Variants in NCAM2 observed in about 807,000 individuals in gnomAD.
The protein encoded by NCAM2 is N-CAM-2.
Under a neutral mutation model 98.1 loss-of-function variants are expected in NCAM2, and 30 were observed. The observed-to-expected ratio is 0.31, with a 90% CI of 0.23 to 0.41. The LOEUF is 0.41. NCAM2 is among the 10% of genes least tolerant of loss of function. The pLI is 1.00. For synonymous variants in NCAM2, 368 were observed against 342.4 expected, an observed-to-expected ratio of 1.07 and a Z score of -0.83; for missense variants, 867 against 1,005.8, an observed-to-expected ratio of 0.86 and a Z score of 1.87.
At chr21:21,161,912 T>C (rs1023107741) in intron 1 of NCAM2, among the ~76,000 whole-genome samples, 3 of 152,064 alleles carry the variant, frequency 2.0e-5, no homozygotes, top group African/African-American at 7.2e-5. Flanking sequence ...ACAGTTTAGG[T>C]AATTTTGGAA....
intron 1 of NCAM2, among the ~76,000 whole-genome samples, chr21:21,256,290 A>G (rs534604160): frequency 5.6e-4 from 86 of 152,272 alleles, no homozygotes; most frequent in African/African-American, 2.0e-3. Flanking sequence ...TGGGAAGCAG[A>G]AGTTGCAGTG....
chr21:21,497,520 T>G (rs1019690987), intron 15 of NCAM2, among the ~76,000 whole-genome samples: 1 of 152,176 alleles, frequency 6.6e-6, no homozygotes, highest in African/African-American at 2.4e-5. Flanking sequence ...CGGTGCTACC[T>G]TTTTACTGTT....
chr21:21,015,562 T>C (rs1476561548), intron 1 of NCAM2, among the ~76,000 whole-genome samples: 1 of 152,248 alleles, frequency 6.6e-6, no homozygotes, highest in Non-Finnish European at 1.5e-5. Flanking sequence ...AATAGACTAG[T>C]ATAAATACAA....
chr21:21,328,756 G>A (rs952742204), intron 6 of NCAM2, among the ~76,000 whole-genome samples: 3 of 151,688 alleles, frequency 2.0e-5, no homozygotes, highest in Non-Finnish European at 4.4e-5. Context: ...AAAAAGCTAA[G>A]GTGAATTTAT....
intron 1 of NCAM2, among the ~76,000 whole-genome samples, chr21:21,014,373 G>A (rs1382402487): frequency 2.0e-5 from 3 of 150,148 alleles, no homozygotes; most frequent in East Asian, 2.0e-4. Flanking sequence ...GCAGTAGGCC[G>A]AGATCGTGCT....
At chr21:21,493,453 A>G (rs189696751) in intron 15 of NCAM2, among the ~76,000 whole-genome samples, 7 of 152,036 alleles carry the variant, frequency 4.6e-5, no homozygotes, top group African/African-American at 1.4e-4. Flanking sequence ...GGGCTCCCAT[A>G]TACCATCTAC....
chr21:21,468,969 T>G (rs1044425761), intron 14 of NCAM2, among the ~76,000 whole-genome samples, 186 bp downstream of exon 14: 1 of 152,020 alleles, frequency 6.6e-6, no homozygotes, highest in Non-Finnish European at 1.5e-5. Context: ...AATCTAAGCA[T>G]GGATCATCAA....
At chr21:21,450,098 G>C (rs1273420258) in intron 12 of NCAM2, among the ~76,000 whole-genome samples, 3 of 151,718 alleles carry the variant, frequency 2.0e-5, no homozygotes, top group African/African-American at 7.3e-5. Context: ...ACCTATTCCA[G>C]GGTATTTGAA....
chr21:21,444,862 TGTC>T (rs1979860742), intron 12 of NCAM2, among the ~76,000 whole-genome samples: 3 of 152,264 alleles, frequency 2.0e-5, no homozygotes, highest in African/African-American at 7.2e-5. Flanking sequence ...AGTTATTTCT[TGTC>T]TTCTGCTAGC....
At chr21:21,108,511 T>C (rs1209025889) in intron 1 of NCAM2, among the ~76,000 whole-genome samples, 1 of 152,126 alleles carries the variant, frequency 6.6e-6, no homozygotes, top group Non-Finnish European at 1.5e-5. Flanking sequence ...TGCAGTTTTA[T>C]CAAGCATAGA....
chr21:21,075,494 C>T (rs1235298890), intron 1 of NCAM2, among the ~76,000 whole-genome samples: 3 of 152,212 alleles, frequency 2.0e-5, no homozygotes. Context: ...TTTAGTGCAA[C>T]ATTGAATAGA....
At chr21:21,055,022 A>T (rs2065185047) in intron 1 of NCAM2, among the ~76,000 whole-genome samples, 1 of 152,074 alleles carries the variant, frequency 6.6e-6, no homozygotes, top group Non-Finnish European at 1.5e-5. Context: ...CCCTTAAGGA[A>T]AATGAAACTT....
intron 8 of NCAM2, among the ~76,000 whole-genome samples, chr21:21,367,670 AG>A (rs1464220518): frequency 1.3e-5 from 2 of 152,006 alleles, no homozygotes; most frequent in Non-Finnish European, 2.9e-5. Context: ...CAGTAGCTTT[AG>A]CCAATTTATT....
At chr21:21,403,802 A>G (rs1297983380) in intron 9 of NCAM2, among the ~76,000 whole-genome samples, 1 of 152,174 alleles carries the variant, frequency 6.6e-6, no homozygotes, top group East Asian at 1.9e-4. Context: ...TAAAACCAAA[A>G]CATAAATAAA....
In NCAM2 at chr21:21,225,776, TTGGAGTG is replaced by T. The variant is rs575558000; in HGVS notation, c.56-54798_56-54792del. Among the ~76,000 whole-genome samples the T allele has an allele frequency of 2.0e-3, 307 of 152,224 alleles. 3 individuals are homozygous for T. The highest frequency in any genetic ancestry group is 7.1e-3 in the African/African-American group (296 of 41,552). Reference sequence around the variant, plus strand: ...CATGTAATAATATTCCAAAGTTGATTTGGAGTGTGGCCAACACACCAAAGAATTAATG... The same window carrying T: ...CATGTAATAATATTCCAAAGTTGATTTGGCCAACACACCAAAGAATTAATG... On this transcript the variant is annotated intron_variant, in intron 1 of 17. Coordinates refer to ENST00000400546, the MANE Select transcript of NCAM2 (RefSeq NM_004540.5).
At chr21:21,238,477 G>A (rs1254443822) in intron 1 of NCAM2, among the ~76,000 whole-genome samples, 1 of 151,938 alleles carries the variant, frequency 6.6e-6, no homozygotes, top group Admixed American at 6.6e-5. Flanking sequence ...AATTACAGAA[G>A]CCCAAATATA....
At chr21:21,097,690 T>C (rs1055239968) in intron 1 of NCAM2, among the ~76,000 whole-genome samples, 33 of 151,534 alleles carry the variant, frequency 2.2e-4, no homozygotes, top group Non-Finnish European at 3.1e-4. Flanking sequence ...TGCAAGAAAG[T>C]GTCTGCAGCT....
chr21:21,309,672 G>C (rs1352153609), intron 5 of NCAM2, among the ~76,000 whole-genome samples: 1 of 152,094 alleles, frequency 6.6e-6, no homozygotes, highest in African/African-American at 2.4e-5. Flanking sequence ...ATTAAGTCCT[G>C]TCTGGCACTG....
intron 16 of NCAM2, among the ~76,000 whole-genome samples, chr21:21,524,341 A>G (rs1166267685): frequency 6.6e-6 from 1 of 151,998 alleles, no homozygotes; most frequent in Non-Finnish European, 1.5e-5. Flanking sequence ...AAAAATTAAT[A>G]CAACTTAATG....
Sources: gnomAD v4.1 joint callset for allele counts (sites outside exome capture counted in the v4.1 genomes callset) on GRCh38, gnomAD v4.1.1 for gene constraint, MANE v1.5 for transcripts, NCBI Gene and HGNC (gene_info 2026-07-23, HGNC 2026-07-21) for gene names.